The following RYR2 variants were observed in gnomAD, a reference collection of about 807,000 sequenced individuals.
RYR2 encodes the protein ryanodine receptor 2, also known as cardiac muscle ryanodine receptor-calcium release channel.
Under a neutral mutation model 601.1 loss-of-function variants are expected in RYR2, and 227 were observed. The observed-to-expected ratio is 0.38, with a 90% CI of 0.34 to 0.42. The LOEUF (loss-of-function observed/expected upper bound fraction) is 0.42, where lower values mean the gene tolerates loss of function less well. Ranked by LOEUF, RYR2 falls within the 10% of genes least tolerant of loss-of-function variation. The pLI is 1.00. For synonymous variants in RYR2, 2,223 were observed against 2,175.1 expected, an observed-to-expected ratio of 1.02 and a Z score of -0.61; for missense variants, 4,646 against 6,156.5, an observed-to-expected ratio of 0.75 and a Z score of 8.21.
At chr1:237,379,535 T>C (rs1341912650) in intron 8 of RYR2, among the ~76,000 whole-genome samples, 2 of 152,232 alleles carry the variant, frequency 1.3e-5, no homozygotes, top group Non-Finnish European at 2.9e-5. Flanking sequence ...ATAATGATGA[T>C]AAGTGAGGTT....
intron 14 of RYR2, among the ~76,000 whole-genome samples, chr1:237,447,552 AT>A (rs1657522022): frequency 6.6e-6 from 1 of 152,174 alleles, no homozygotes; most frequent in Non-Finnish European, 1.5e-5. Flanking sequence ...GGATGGTTAC[AT>A]TAACCCCTAT....
At chr1:237,735,047 T>C (rs1691020356) in intron 79 of RYR2, among the ~76,000 whole-genome samples, 1 of 152,106 alleles carries the variant, frequency 6.6e-6, no homozygotes, top group Admixed American at 6.6e-5. Context: ...GGAGAGAACC[T>C]TAAGTGTGAG....
intron 10 of RYR2, 31 bp downstream of exon 10, chr1:237,388,214 T>TG (rs776619577): frequency 8.3e-6 from 13 of 1,564,604 alleles, no homozygotes; most frequent in Admixed American, 3.4e-5. Flanking sequence ...CATTGAGACT[T>TG]GCACTCTTTT....
At chr1:237,669,619 G>A (rs1684696499) in intron 58 of RYR2, among the ~76,000 whole-genome samples, 1 of 152,036 alleles carries the variant, frequency 6.6e-6, no homozygotes, top group Admixed American at 6.5e-5. Flanking sequence ...AGACGGGGCG[G>A]CCGGGCAGAG....
At position 237,137,809 on chromosome 1, in the gene RYR2, T is replaced by G. The variant is rs1440402325; in HGVS notation, c.48+95240T>G. On this transcript the variant is annotated intron_variant, in intron 1 of 104. Transcript: ENST00000366574. ...GGAAAATATTTGTTTTTAACCTTTC[T>G]TATTATGAAATGTAAAATCCACACA... 2.0e-5 allele frequency among the ~76,000 whole-genome samples: 3 copies of G among 152,206 alleles called. No homozygotes were observed. The East Asian group carries it at 5.8e-4, about 29-fold the overall frequency.
At chr1:237,374,039 T>C (rs753843213) in intron 6 of RYR2, among the ~76,000 whole-genome samples, 1 of 152,200 alleles carries the variant, frequency 6.6e-6, no homozygotes, top group Non-Finnish European at 1.5e-5. Context: ...CCTTTGTCTT[T>C]TATAAGGGAA....
chr1:237,413,698 A>G (rs1704661084), intron 10 of RYR2, among the ~76,000 whole-genome samples: 1 of 152,102 alleles, frequency 6.6e-6, no homozygotes, highest in African/African-American at 2.4e-5. Flanking sequence ...ATAGATTTTT[A>G]GTGATAACTT....
intron 3 of RYR2, among the ~76,000 whole-genome samples, chr1:237,344,096 T>A (rs1698078469): frequency 6.6e-6 from 1 of 152,322 alleles, no homozygotes; most frequent in Non-Finnish European, 1.5e-5. Flanking sequence ...GTGCTGGGAT[T>A]ACAGGCGTGA....
intron 1 of RYR2, among the ~76,000 whole-genome samples, chr1:237,062,190 G>A (rs1292214531): frequency 6.6e-6 from 1 of 152,126 alleles, no homozygotes; most frequent in Non-Finnish European, 1.5e-5. Flanking sequence ...TTTGCTCTAA[G>A]TCTTCAAAAT....
chr1:237,205,003 G>C (rs1261525934), intron 1 of RYR2, among the ~76,000 whole-genome samples: 4 of 152,166 alleles, frequency 2.6e-5, no homozygotes, highest in Admixed American at 6.5e-5. Context: ...GCCCTGAGAG[G>C]ACACAGGGCT....
intron 8 of RYR2, among the ~76,000 whole-genome samples, 179 bp downstream of exon 8, chr1:237,377,614 C>A (rs1701149187): frequency 6.6e-6 from 1 of 152,130 alleles, no homozygotes; most frequent in South Asian, 2.1e-4. Flanking sequence ...GATGTGGGTG[C>A]AAATATAGCT....
chr1:237,691,341 T>TA (rs1009570319), intron 63 of RYR2, among the ~76,000 whole-genome samples: 24 of 150,704 alleles, frequency 1.6e-4, no homozygotes, highest in South Asian at 4.2e-4. Flanking sequence ...ACAGGAGCAT[T>TA]AAAAAAAAAT....
intron 73 of RYR2, 77 bp from the exon 74 acceptor site, chr1:237,723,051 A>C: frequency 8.0e-7 from 1 of 1,256,328 alleles, no homozygotes; most frequent in East Asian, 2.3e-5. Context: ...TGATGGGTGG[A>C]CTCTTCCTAT....
chr1:237,264,496 A>G (rs1688843128), intron 1 of RYR2, among the ~76,000 whole-genome samples: 1 of 152,128 alleles, frequency 6.6e-6, no homozygotes, highest in Non-Finnish European at 1.5e-5. Context: ...TTTGAACTGC[A>G]ATGTCCAAAG....
intron 35 of RYR2, among the ~76,000 whole-genome samples, chr1:237,609,930 A>G (rs192111972): frequency 0.049 from 7,173 of 146,368 alleles, 496 homozygotes; most frequent in African/African-American, 0.17. Context: ...TTAAACCAGT[A>G]CTTGGTTTTT....
chr1:237,631,453 A>G lies in RYR2; in HGVS notation c.6467A>G (p.Tyr2156Cys). The G allele has an allele frequency of 1.2e-6, 2 of 1,613,288 alleles. No homozygotes were observed. Among genetic ancestry groups the G allele is most frequent in the Non-Finnish European group, 1.7e-6 (2 of 1,179,550 alleles). Reference sequence around the variant, plus strand: ...GATATTATGAATAACAAAGTGTTTTACCAGCACCCTAATCTCATGAGGGCA... The same window carrying G: ...GATATTATGAATAACAAAGTGTTTTGCCAGCACCCTAATCTCATGAGGGCA... ...LGDIMNNKVF[Y>C]QHPNLMRALG... is the part of the protein sequence containing the mutation. The change falls in exon 42 of 105, where the codon TAC becomes TGC. Residue 2156 changes from tyrosine to cysteine, a missense_variant. Around this residue, in one of 17 missense-constraint regions of RYR2, gnomAD observed 137 missense variants for 273.6 expected, o/e 0.50. Coordinates refer to ENST00000366574, the MANE Select transcript of RYR2 (RefSeq NM_001035.3).
At chr1:237,811,363 T>C (rs1661233958) in intron 100 of RYR2, among the ~76,000 whole-genome samples, 1 of 152,166 alleles carries the variant, frequency 6.6e-6, no homozygotes, top group South Asian at 2.1e-4. Context: ...GTAAAGAAGT[T>C]TTTCTGTATT....
In RYR2 at chr1:237,832,637, A is replaced by G; in HGVS notation, c.14894A>G (p.Gln4965Arg). ...GDCFRKQYEDQLN is the reference protein window; with the variant it reads ...GDCFRKQYEDRLN ...TGCTTCCGGAAACAGTATGAAGACC[A>G]GCTAAATTAAACTCAGACCCAATCA... The change falls in exon 105 of 105, where the codon CAG becomes CGG. Residue 4965 changes from glutamine (Q) to arginine (R), a missense_variant. Coordinates refer to ENST00000366574, the MANE Select transcript of RYR2 (RefSeq NM_001035.3). The G allele has an allele frequency of 6.2e-7, 1 of 1,608,780 alleles. No homozygotes were observed. Among genetic ancestry groups the G allele is most frequent in the Non-Finnish European group, 8.5e-7 (1 of 1,175,904 alleles).
chr1:237,131,214 G>C (rs1672135241), intron 1 of RYR2, among the ~76,000 whole-genome samples: 1 of 151,968 alleles, frequency 6.6e-6, no homozygotes, highest in Non-Finnish European at 1.5e-5. Context: ...AACACTGAAG[G>C]CAACTTCCTG....
Sources: gnomAD v4.1 joint callset for allele counts (sites outside exome capture counted in the v4.1 genomes callset) on GRCh38, gnomAD v4.1.1 for gene constraint, gnomAD v4.1.1 regional missense constraint, MANE v1.5 for transcripts, NCBI Gene and HGNC (gene_info 2026-07-23, HGNC 2026-07-21) for gene names.